Variants in RXFP2 observed in about 807,000 individuals in gnomAD.
The protein encoded by RXFP2 is relaxin family peptide receptor 2, also known as relaxin receptor 2.
Under a neutral mutation model 88.6 loss-of-function variants are expected in RXFP2, and 68 were observed. The ratio of observed to expected loss-of-function variants is 0.77; its 90% CI spans 0.63 to 0.94. The LOEUF (loss-of-function observed/expected upper bound fraction) is 0.94, where lower values mean the gene tolerates loss of function less well. Among genes scored for constraint, RXFP2 ranks in the 40% least tolerant of loss-of-function variants. RXFP2 has a pLI of 0.00. For missense variants in RXFP2, 791 were observed against 893.9 expected (o/e 0.88, Z 1.47); for synonymous variants, 329 against 306.8 (o/e 1.07, Z -0.76).
chr13:31,755,996 C>A (rs1481208443), intron 1 of RXFP2, among the ~76,000 whole-genome samples: 1 of 152,208 alleles, frequency 6.6e-6, no homozygotes, highest in Admixed American at 6.5e-5. Flanking sequence ...CAGAGAGGGC[C>A]AGAGGCTCTG....
At chr13:31,773,134 T>C (rs1466485893) in intron 5 of RXFP2, among the ~76,000 whole-genome samples, 1 of 152,122 alleles carries the variant, frequency 6.6e-6, no homozygotes, top group African/African-American at 2.4e-5. Flanking sequence ...TCTGTGTGAG[T>C]TCATCCTATT....
intron 4 of RXFP2, among the ~76,000 whole-genome samples, 190 bp from the exon 5 acceptor site, chr13:31,765,766 C>T (rs1872524754): frequency 6.6e-6 from 1 of 152,148 alleles, no homozygotes; most frequent in Non-Finnish European, 1.5e-5. Flanking sequence ...GTCAAATACT[C>T]ACAAGCTACT....
intron 16 of RXFP2, among the ~76,000 whole-genome samples, chr13:31,795,483 T>C (rs1415011251): frequency 6.6e-6 from 1 of 152,214 alleles, no homozygotes; most frequent in Non-Finnish European, 1.5e-5. Context: ...TCTGTAAGTC[T>C]GCTATCAGAA....
At chr13:31,744,229 A>T (rs927719518) in intron 1 of RXFP2, among the ~76,000 whole-genome samples, 6 of 152,142 alleles carry the variant, frequency 3.9e-5, no homozygotes, top group Non-Finnish European at 8.8e-5. Flanking sequence ...AGGTCCAATG[A>T]TTTGTCTACA....
chr13:31,744,247 A>T lies in RXFP2; in HGVS notation c.94+4541A>T, dbSNP rs1871320586. On this transcript the variant is annotated intron_variant, in intron 1 of 17. Transcript: ENST00000298386. ...TCCAATGATTTGTCTACAATTCTAA[A>T]ATCCAGAAAGCTCAGAAAACTGAGT... Among the ~76,000 whole-genome samples, 4 of 152,180 alleles carry T rather than the reference A, an allele frequency of 2.6e-5. No homozygotes were observed. The South Asian group carries it at 8.3e-4, about 32-fold the overall frequency.
intron 9 of RXFP2, among the ~76,000 whole-genome samples, chr13:31,779,911 A>C (rs1873186337): frequency 6.6e-6 from 1 of 152,238 alleles, no homozygotes; most frequent in African/African-American, 2.4e-5. Context: ...GTCTCACGTA[A>C]GTGTGCCACT....
intron 5 of RXFP2, among the ~76,000 whole-genome samples, chr13:31,773,266 T>C (rs568823870): frequency 6.6e-6 from 1 of 152,316 alleles, no homozygotes; most frequent in Admixed American, 6.5e-5. Flanking sequence ...CAAGTTTACT[T>C]TGCAGGATTG....
intron 17 of RXFP2, among the ~76,000 whole-genome samples, chr13:31,798,196 A>G (rs553201600): frequency 6.6e-6 from 1 of 152,308 alleles, no homozygotes; most frequent in South Asian, 2.1e-4. Flanking sequence ...CCCTTATGAA[A>G]GAGTGATGAA....
intron 5 of RXFP2, among the ~76,000 whole-genome samples, chr13:31,772,797 G>C (rs375588553): frequency 6.6e-6 from 1 of 152,204 alleles, no homozygotes; most frequent in South Asian, 2.1e-4. Flanking sequence ...CAGATGAGTT[G>C]TGTGGATCAC....
chr13:31,797,251 T>C lies in RXFP2; in HGVS notation c.1837T>C (p.Phe613Leu). 3 of 1,614,048 alleles carry C rather than the reference T, an allele frequency of 1.9e-6. No homozygotes were observed. The highest frequency in any genetic ancestry group is 2.5e-6 in the Non-Finnish European group (3 of 1,179,902). The change falls in exon 17 of 18, where the codon TTC (phenylalanine) becomes CTC (leucine). Residue 613 changes from phenylalanine (F) to leucine (L), a missense_variant. By Grantham distance (22) the Phe-to-Leu change is conservative. Coordinates refer to ENST00000298386, the MANE Select transcript of RXFP2 (RefSeq NM_130806.5). ...LIIVFSYITM[F>L]CSIQKTALQT... ...CATTGTGTTTTCCTATATTACTATGTTCTGTTCCATTCAAAAAACCGCCTT... is the reference window on the plus strand; with the variant it reads ...CATTGTGTTTTCCTATATTACTATGCTCTGTTCCATTCAAAAAACCGCCTT...
intron 1 of RXFP2, among the ~76,000 whole-genome samples, chr13:31,751,695 G>T (rs1362780618): frequency 1.3e-5 from 2 of 152,196 alleles, no homozygotes; most frequent in Non-Finnish European, 2.9e-5. Context: ...AGAATTAAAA[G>T]AGAGGTGAAG....
chr13:31,786,332 C>T (rs758912716), intron 11 of RXFP2, 51 bp from the exon 12 acceptor site: 3 of 1,218,120 alleles, frequency 2.5e-6, no homozygotes, highest in South Asian at 2.4e-5. Context: ...AGTAATAAGT[C>T]TGTCATTTAC....
intron 16 of RXFP2, among the ~76,000 whole-genome samples, chr13:31,795,606 T>C (rs1018518777): frequency 2.0e-5 from 3 of 152,256 alleles, no homozygotes; most frequent in Admixed American, 2.0e-4. Flanking sequence ...TATGGCTTTA[T>C]ACTATGATTT....
intron 17 of RXFP2, 27 bp downstream of exon 17, chr13:31,797,446 A>T (rs767443754): frequency 6.5e-7 from 1 of 1,529,900 alleles, no homozygotes; most frequent in South Asian, 1.1e-5. Flanking sequence ...ATTCCCAAGT[A>T]TAATACATCG....
rs372995100 is a variant in RXFP2, at chr13:31,797,271, C to T, written c.1857C>T (p.Thr619=). Residue 619 remains threonine (T), a synonymous_variant, in exon 17 of 18, where the codon ACC becomes ACT. Transcript: ENST00000298386. ...CTATGTTCTGTTCCATTCAAAAAAC[C>T]GCCTTGCAGACCACAGAAGTAAGGA... ...YITMFCSIQK[T]ALQTTEVRNC... is the part of the protein sequence containing the mutation. The T allele has an allele frequency of 4.6e-5, 75 of 1,613,874 alleles. No homozygotes were observed. In the South Asian group the frequency reaches 6.1e-4, roughly 13 times the overall value.
intron 4 of RXFP2, 66 bp from the exon 5 acceptor site, chr13:31,765,890 G>T (rs544646222): frequency 2.6e-6 from 2 of 770,480 alleles, no homozygotes; most frequent in Non-Finnish European, 4.6e-6. Flanking sequence ...CAAGCATGTG[G>T]CTTCTAGGGA....
intron 1 of RXFP2, 117 bp downstream of exon 1, chr13:31,739,823 A>T: frequency 1.4e-6 from 1 of 732,230 alleles, no homozygotes; most frequent in Non-Finnish European, 2.4e-6. Context: ...AACAGACATC[A>T]AATTTGCCTG....
chr13:31,799,822 G>T (rs1302836472), intron 17 of RXFP2, among the ~76,000 whole-genome samples: 1 of 152,176 alleles, frequency 6.6e-6, no homozygotes, highest in African/African-American at 2.4e-5. Flanking sequence ...CAAAGTGTCA[G>T]CAGGTTTGAT....
chr13:31,756,167 T>C (rs1871937374), intron 1 of RXFP2, among the ~76,000 whole-genome samples: 1 of 152,234 alleles, frequency 6.6e-6, no homozygotes, highest in Admixed American at 6.5e-5. Context: ...CATTTGTTAA[T>C]GAGAGCAGCA....
Sources: allele counts gnomAD v4.1 joint callset (sites outside exome capture counted in the v4.1 genomes callset), GRCh38; gene constraint gnomAD v4.1.1; transcripts MANE v1.5; gene names NCBI Gene and HGNC (gene_info 2026-07-23, HGNC 2026-07-21).